GPN3: variants seen among roughly 807,000 people sequenced by gnomAD.
The protein encoded by GPN3 is ATP-binding domain 1 family member C.
GPN3 carries 31 observed loss-of-function variants against 38.7 expected under a neutral mutation model. That is an observed-to-expected ratio of 0.80 (90% CI 0.60 to 1.08). The LOEUF (loss-of-function observed/expected upper bound fraction) is 1.08. Ranked by LOEUF, GPN3 falls within the 50% of genes least tolerant of loss-of-function variation. The pLI is 0.00. For missense variants in GPN3, 301 were observed against 354.4 expected, an observed-to-expected ratio of 0.85 and a Z score of 1.21; for synonymous variants, 116 against 120.2, an observed-to-expected ratio of 0.96 and a Z score of 0.23.
rs1228218875 is a variant in GPN3, at chr12:110,458,589, T to C, written c.326-955A>G. 6.6e-6 allele frequency among the ~76,000 whole-genome samples: 1 copy of C among 152,102 alleles called. No homozygotes were observed. Among genetic ancestry groups the C allele is most frequent in the East Asian group, 1.9e-4 (1 of 5,186 alleles). On this transcript the variant is annotated intron_variant, in intron 3 of 7. Coordinates refer to ENST00000228827, the MANE Select transcript of GPN3 (RefSeq NM_016301.4). The surrounding 1 kb of genome is among the most constrained non-coding windows in gnomAD (Gnocchi z 4.4). The stretch of plus-strand genomic sequence containing the variant: ...TAAGGTCCAGAGTTTGAGACCAGCC[T>C]GGCCAACACAGTGAAACCCTGTCTC...
chr12:110,468,315 A>G (rs747912390), upstream of GPN3: 18 of 1,581,204 alleles, frequency 1.1e-5, no homozygotes, highest in South Asian at 2.3e-5. Context: ...CTACGCCTCC[A>G]GTTCTACCAC....
In GPN3 at chr12:110,452,954, T is replaced by C; in HGVS notation, c.*80A>G. ...TTTTTCATTAAAATAAGTAGCTTTC[T>C]ACTATTGCATCCTTTGAAGAGAAGA... On this transcript the variant is annotated 3_prime_UTR_variant, in exon 8 of 8. Transcript: ENST00000228827. 3.8e-6 allele frequency: 3 copies of C among 780,138 alleles called. No homozygotes were observed. The highest frequency in any genetic ancestry group is 7.1e-6 in the Non-Finnish European group (3 of 422,644). The allele number at this position is 780,138 out of a possible 1,614,324, so 48.3% of individuals were successfully genotyped here. A position where few individuals can be genotyped will look rare whatever the true frequency, so the allele number is the denominator to read the frequency against.
chr12:110,465,477 C>A (rs539249849), intron 1 of GPN3, among the ~76,000 whole-genome samples: 5 of 152,246 alleles, frequency 3.3e-5, no homozygotes, highest in Admixed American at 3.3e-4. Flanking sequence ...CACTAAGGCT[C>A]CTTACTGTTC....
At chr12:110,459,595 A>C in intron 3 of GPN3, 100 bp downstream of exon 3, 1 of 816,596 alleles carries the variant, frequency 1.2e-6, no homozygotes, top group Admixed American at 2.0e-5. Context: ...ACTTTACTGC[A>C]GTATAGTTTA....
intron 4 of GPN3, 138 bp downstream of exon 4, chr12:110,457,372 G>A: frequency 5.8e-6 from 3 of 514,592 alleles, no homozygotes; most frequent in East Asian, 7.6e-5. Context: ...AGAATCACTT[G>A]AACTGGGAGG....
chr12:110,461,652 T>G (rs1050063548), intron 2 of GPN3, among the ~76,000 whole-genome samples: 4 of 152,064 alleles, frequency 2.6e-5, no homozygotes, highest in Admixed American at 6.6e-5. Context: ...TATGGTTATC[T>G]TACTAATTTT....
Position 110,453,842 on chromosome 12 carries a change from TA to T in GPN3, c.692del (p.Leu231TyrfsTer11). Reference protein sequence around the residue: ...LIDDYSMVRFLPYDQSDEESM... With the variant: ...LIDDYSMVRFXPYDQSDEESM... ...TTTCTTCATCTGACTGATCGTAAGGTAAAAATCGAACCATGCTGTAGTCATC... is the reference window on the plus strand; with the variant it reads ...TTTCTTCATCTGACTGATCGTAAGGTAAAATCGAACCATGCTGTAGTCATC... On this transcript the variant is annotated frameshift_variant, in exon 7 of 8. Coordinates refer to ENST00000228827, the MANE Select transcript of GPN3 (RefSeq NM_016301.4). LOFTEE classifies it high-confidence loss of function. The T allele has an allele frequency of 6.2e-7, 1 of 1,607,160 alleles. No homozygotes were observed. The highest frequency in any genetic ancestry group is 1.1e-5 in the South Asian group (1 of 90,898).
intron 2 of GPN3, among the ~76,000 whole-genome samples, chr12:110,462,991 T>G (rs1036545710): frequency 1.9e-4 from 29 of 152,030 alleles, no homozygotes; most frequent in African/African-American, 6.7e-4. Context: ...CTCCTGACCT[T>G]GTGATCCGCC....
upstream of GPN3, chr12:110,468,652 G>C: frequency 2.0e-6 from 3 of 1,537,126 alleles, no homozygotes; most frequent in Non-Finnish European, 2.6e-6. Context: ...TTTCCCTCCT[G>C]TGACGCACTG....
chr12:110,459,991 C>G (rs1016361536), intron 2 of GPN3, 129 bp from the exon 3 acceptor site: 1 of 699,004 alleles, frequency 1.4e-6, no homozygotes, highest in African/African-American at 1.8e-5. Context: ...ATGTACATGG[C>G]TTTTCCCTGT....
intron 2 of GPN3, among the ~76,000 whole-genome samples, chr12:110,462,713 G>C (rs997489154): frequency 6.6e-6 from 1 of 151,440 alleles, no homozygotes; most frequent in Non-Finnish European, 1.5e-5. Flanking sequence ...TCAGCCTCCA[G>C]AGTAGCTGGG....
chr12:110,457,457 C>CAAAAAAA (rs56713819), intron 4 of GPN3, 53 bp downstream of exon 4: 2 of 590,710 alleles, frequency 3.4e-6, no homozygotes, highest in Non-Finnish European at 4.5e-6. Context: ...GTCACACACA[C>CAAAAAAA]AAAAAAAAAA....
chr12:110,465,169 G>A lies in GPN3; in HGVS notation c.94C>T (p.Arg32Trp), dbSNP rs1249187898. The change falls in exon 2 of 8, where the codon CGG (arginine) becomes TGG (tryptophan). Residue 32 changes from arginine (R) to tryptophan (W), a missense_variant. Arg to Trp is a moderately radical substitution (Grantham distance 101, BLOSUM62 -3). Coordinates refer to ENST00000228827, the MANE Select transcript of GPN3 (RefSeq NM_016301.4). Reference protein sequence around the residue: ...TMVQHCEALNRSVQVVNLDPA... With the variant: ...TMVQHCEALNWSVQVVNLDPA... ...TCCAGGTTTACAACTTGGACAGACCGGTTGAGGGCTTCACAGTGCTGGACC... is the reference window on the plus strand; with the variant it reads ...TCCAGGTTTACAACTTGGACAGACCAGTTGAGGGCTTCACAGTGCTGGACC... The A allele has an allele frequency of 1.9e-6, 3 of 1,611,748 alleles. No homozygotes were observed. The highest frequency in any genetic ancestry group is 2.5e-6 in the Non-Finnish European group (3 of 1,177,788).
In GPN3 at chr12:110,459,846, G is replaced by C; in HGVS notation, c.174C>G (p.Ile58Met). The change falls in exon 3 of 8, where the codon ATC becomes ATG. Residue 58 changes from isoleucine (I) to methionine (M), a missense_variant. Coordinates refer to ENST00000228827, the MANE Select transcript of GPN3 (RefSeq NM_016301.4). ...CATCCTCCATTACATCATCCACCTC[G>C]ATCAGTTCCCGGATGTCTGAAAAGG... ...YSVMADIREL[I>M]EVDDVMEDDS... 6.2e-7 allele frequency: 1 copy of C among 1,613,822 alleles called. No individual in the cohort carries two copies. The highest frequency in any genetic ancestry group is 8.5e-7 in the Non-Finnish European group (1 of 1,179,746).
At position 110,453,723 on chromosome 12, in the gene GPN3, C is replaced by A; in HGVS notation, c.792+20G>T. On this transcript the variant is annotated intron_variant, in intron 7 of 7. Coordinates refer to ENST00000228827, the MANE Select transcript of GPN3 (RefSeq NM_016301.4). ...AATATTTTTATCAAAAGCTAACAAA[C>A]ACCCCAAACCAGAAATTACCTTTGG... 1.3e-6 allele frequency: 2 copies of A among 1,596,868 alleles called. No homozygotes were observed. The highest frequency in any genetic ancestry group is 1.7e-6 in the Non-Finnish European group (2 of 1,165,374).
chr12:110,457,455 CACAAAAA>C, intron 4 of GPN3, 48 bp downstream of exon 4: 1 of 1,163,558 alleles, frequency 8.6e-7, no homozygotes, highest in South Asian at 1.5e-5. Context: ...CTGTCACACA[CACAAAAA>C]AAAAAAAAAA....
chr12:110,465,081 G>A (rs78424867), intron 2 of GPN3, 25 bp downstream of exon 2: 2 of 1,208,020 alleles, frequency 1.7e-6, no homozygotes, highest in Admixed American at 1.7e-5. Flanking sequence ...CCTGAAGGTG[G>A]GGGGAGCCTT....
chr12:110,455,087 G>C (rs2062540255), intron 6 of GPN3, among the ~76,000 whole-genome samples: 1 of 151,586 alleles, frequency 6.6e-6, no homozygotes, highest in Non-Finnish European at 1.5e-5. Context: ...GCCTCCCAAA[G>C]AGCTGGGATT....
At position 110,455,774 on chromosome 12, in the gene GPN3, G is replaced by A. The variant is rs756979659; in HGVS notation, c.566+41C>T. 6 of 1,146,362 alleles carry A rather than the reference G, an allele frequency of 5.2e-6. No homozygotes were observed. In the South Asian group the frequency reaches 6.1e-5, roughly 12 times the overall value. The allele number at this position is 1,146,362 out of a possible 1,614,324, so 71.0% of individuals were successfully genotyped here. A position where few individuals can be genotyped will look rare whatever the true frequency, so the allele number is the denominator to read the frequency against. On this transcript the variant is annotated intron_variant, in intron 5 of 7. Transcript: ENST00000228827. ...TAAATAAAACAGAAGGTTCATCTCT[G>A]CAACTGAGATCTGATAATAATGGAA...
Sources: allele counts gnomAD v4.1 joint callset (sites outside exome capture counted in the v4.1 genomes callset), GRCh38; gene constraint gnomAD v4.1.1; non-coding constraint Gnocchi (gnomAD v3.1); transcripts MANE v1.5; gene names NCBI Gene and HGNC (gene_info 2026-07-23, HGNC 2026-07-21).